FAM13C: variants seen among roughly 807,000 people sequenced by gnomAD.
The protein encoded by FAM13C is protein FAM13C.
In FAM13C, 37 loss-of-function variants were observed where a neutral mutation model predicts 73.2. The observed-to-expected ratio is 0.51, with a 90% CI of 0.39 to 0.67. The LOEUF (loss-of-function observed/expected upper bound fraction) is 0.67, where lower values mean the gene tolerates loss of function less well. Ranked by LOEUF, FAM13C falls within the 30% of genes least tolerant of loss-of-function variation. FAM13C has a pLI of 0.00. For missense variants in FAM13C, 589 were observed against 715.6 expected (o/e 0.82, Z 2.02); for synonymous variants, 246 against 260.9 (o/e 0.94, Z 0.55).
intron 1 of FAM13C, chr10:59,361,212 G>GT (rs35736752): frequency 0.068 from 37,703 of 551,010 alleles, no homozygotes; most frequent in South Asian, 0.14. Flanking sequence ...AGTCAATCCT[G>GT]TTTTTTTTTT....
intron 4 of FAM13C, among the ~76,000 whole-genome samples, chr10:59,311,496 T>G (rs1276440274): frequency 1.3e-5 from 2 of 152,158 alleles, no homozygotes; most frequent in Non-Finnish European, 2.9e-5. Context: ...ATACATTCCA[T>G]ACACTTAGTA....
intron 2 of FAM13C, among the ~76,000 whole-genome samples, chr10:59,354,723 T>A (rs1589730021): frequency 6.6e-6 from 1 of 152,126 alleles, no homozygotes; most frequent in African/African-American, 2.4e-5. Context: ...GAGAGAGAGT[T>A]CTTTTTGGTT....
intron 4 of FAM13C, among the ~76,000 whole-genome samples, chr10:59,317,434 A>G (rs1297820083): frequency 6.6e-6 from 1 of 152,214 alleles, no homozygotes; most frequent in African/African-American, 2.4e-5. Flanking sequence ...GATGTTAAGG[A>G]CAAAGTTTCC....
intron 13 of FAM13C, among the ~76,000 whole-genome samples, chr10:59,250,053 C>T (rs1023365582): frequency 1.3e-5 from 2 of 152,158 alleles, no homozygotes; most frequent in African/African-American, 4.8e-5. Context: ...AGTGTACGCA[C>T]ATCTTAAAGT....
intron 8 of FAM13C, 149 bp from the exon 9 acceptor site, chr10:59,264,315 G>A (rs1655499536): frequency 4.9e-6 from 3 of 616,074 alleles, no homozygotes; most frequent in Non-Finnish European, 5.7e-6. Flanking sequence ...AGAAATTCGG[G>A]TGTGAAATTT....
At chr10:59,260,414 C>T (rs1179966882) in intron 10 of FAM13C, among the ~76,000 whole-genome samples, 1 of 152,148 alleles carries the variant, frequency 6.6e-6, no homozygotes, top group Non-Finnish European at 1.5e-5. Context: ...AACCCTCAAA[C>T]CTGAGAATTC....
At chr10:59,303,726 G>C (rs1285375450) in intron 4 of FAM13C, among the ~76,000 whole-genome samples, 1 of 152,178 alleles carries the variant, frequency 6.6e-6, no homozygotes, top group African/African-American at 2.4e-5. Context: ...TGACAGGGGA[G>C]GGATAAGGAA....
intron 9 of FAM13C, among the ~76,000 whole-genome samples, chr10:59,262,927 A>G (rs1353532194): frequency 1.3e-5 from 2 of 152,156 alleles, no homozygotes; most frequent in Non-Finnish European, 2.9e-5. Flanking sequence ...GTTTGCAGGA[A>G]AACCAGTGGT....
chr10:59,353,548 C>T (rs988659761), intron 2 of FAM13C, among the ~76,000 whole-genome samples: 1 of 152,164 alleles, frequency 6.6e-6, no homozygotes, highest in Non-Finnish European at 1.5e-5. Flanking sequence ...TTCCTAGCTG[C>T]TCAAGGACAC....
chr10:59,356,054 C>T, intron 1 of FAM13C, 111 bp from the exon 2 acceptor site: 2 of 968,370 alleles, frequency 2.1e-6, no homozygotes, highest in Non-Finnish European at 3.3e-6. Flanking sequence ...AGATGAAACA[C>T]TCCCTATCAT....
At chr10:59,290,422 T>C (rs903677887) in intron 5 of FAM13C, among the ~76,000 whole-genome samples, 16 of 152,228 alleles carry the variant, frequency 1.1e-4, no homozygotes, top group Admixed American at 8.5e-4. Context: ...GGGACATGAC[T>C]GGGTCTCCAA....
intron 5 of FAM13C, among the ~76,000 whole-genome samples, chr10:59,292,960 T>TTA (rs1831626917): frequency 1.3e-5 from 2 of 152,132 alleles, no homozygotes; most frequent in African/African-American, 4.8e-5. Context: ...AGCAATGATT[T>TTA]TATATCCTTT....
chr10:59,312,849 C>T (rs944648212), intron 4 of FAM13C, among the ~76,000 whole-genome samples: 1 of 152,164 alleles, frequency 6.6e-6, no homozygotes, highest in African/African-American at 2.4e-5. Context: ...GTTTGGCAAG[C>T]CACACCAAGC....
chr10:59,343,657 A>T lies in FAM13C; in HGVS notation c.324+8613T>A, dbSNP rs1853817297. 2.6e-5 allele frequency among the ~76,000 whole-genome samples: 4 copies of T among 152,154 alleles called. No individual in the cohort carries two copies. The South Asian group carries it at 8.3e-4, about 32-fold the overall frequency. On this transcript the variant is annotated intron_variant, in intron 3 of 13. Coordinates refer to ENST00000618804, the MANE Select transcript of FAM13C (RefSeq NM_198215.4). Reference sequence around the variant, plus strand: ...TGGAGCTTGTAATAGTTGGTGCAGGACCCTCAAAAAATCTTGCTCTCTAAC... The same window carrying T: ...TGGAGCTTGTAATAGTTGGTGCAGGTCCCTCAAAAAATCTTGCTCTCTAAC...
At chr10:59,317,242 A>G (rs1445347205) in intron 4 of FAM13C, among the ~76,000 whole-genome samples, 1 of 152,074 alleles carries the variant, frequency 6.6e-6, no homozygotes, top group Non-Finnish European at 1.5e-5. Context: ...TTCATTGGGA[A>G]GCTGAAGAGT....
chr10:59,271,213 C>G (rs533391235), intron 6 of FAM13C, among the ~76,000 whole-genome samples: 6 of 152,208 alleles, frequency 3.9e-5, no homozygotes, highest in Non-Finnish European at 7.3e-5. Context: ...AAAAGATTTT[C>G]TGGATGAATA....
Position 59,262,608 on chromosome 10 carries a change from A to T in FAM13C, c.1062T>A (p.Ala354=). ...KLKLSEEQGS[A]PKGPPRNLLC... ...ACAGGTTTCTAGGTGGACCTTTGGGAGCACTCCCTTGTTCTTCTGACAGCT... is the reference window on the plus strand; with the variant it reads ...ACAGGTTTCTAGGTGGACCTTTGGGTGCACTCCCTTGTTCTTCTGACAGCT... Residue 354 remains alanine (A), a synonymous_variant, in exon 10 of 14, where the codon GCT becomes GCA. Coordinates refer to ENST00000618804, the MANE Select transcript of FAM13C (RefSeq NM_198215.4). 6.2e-7 allele frequency: 1 copy of T among 1,613,636 alleles called. No homozygotes were observed. The highest frequency in any genetic ancestry group is 8.5e-7 in the Non-Finnish European group (1 of 1,179,712).
At chr10:59,301,960 T>C (rs1361048812) in intron 5 of FAM13C, among the ~76,000 whole-genome samples, 1 of 152,176 alleles carries the variant, frequency 6.6e-6, no homozygotes, top group Non-Finnish European at 1.5e-5. Context: ...GAAATACCCT[T>C]TTTGTGGGGT....
At chr10:59,266,547 C>T (rs1371079122) in intron 8 of FAM13C, among the ~76,000 whole-genome samples, 6 of 152,164 alleles carry the variant, frequency 3.9e-5, no homozygotes, top group African/African-American at 1.4e-4. Flanking sequence ...AAAAGCGTTT[C>T]CTGAGACCTG....
Sources: gnomAD v4.1 joint callset for allele counts (sites outside exome capture counted in the v4.1 genomes callset) on GRCh38, gnomAD v4.1.1 for gene constraint, MANE v1.5 for transcripts, NCBI Gene and HGNC (gene_info 2026-07-23, HGNC 2026-07-21) for gene names.